The following TCF7 variants were observed in gnomAD, a reference collection of about 807,000 sequenced individuals.
The protein encoded by TCF7 is transcription factor 7, also known as T-cell-factor-7.
A neutral mutation model predicts 46.8 loss-of-function variants in TCF7; 19 were observed. The ratio of observed to expected loss-of-function variants is 0.41; its 90% CI spans 0.28 to 0.60. The LOEUF is 0.60. Among genes scored for constraint, TCF7 ranks in the 20% least tolerant of loss-of-function variants. The pLI is 0.35. For missense variants in TCF7, 547 were observed against 504.6 expected (o/e 1.08, Z -0.81); for synonymous variants, 245 against 213.4 (o/e 1.15, Z -1.29).
chr5:134,138,562 G>A, intron 4 of TCF7: 1 of 281,046 alleles, frequency 3.6e-6, no homozygotes, highest in South Asian at 7.6e-5. Flanking sequence ...TGGGAAACCT[G>A]CTGACTCAAC....
rs544009350 is a variant in TCF7, at chr5:134,146,367, C to T, written c.*64C>T. On this transcript the variant is annotated 3_prime_UTR_variant, in exon 10 of 10. Transcript: ENST00000342854. ...TACCATCTGCTGCCCCGCTTCCCCACAGAACTGCTTACTAGCCCTGCGGAG... is the reference window on the plus strand; with the variant it reads ...TACCATCTGCTGCCCCGCTTCCCCATAGAACTGCTTACTAGCCCTGCGGAG... 8.2e-6 allele frequency: 13 copies of T among 1,587,876 alleles called. 2 individuals carry two copies. The Middle Eastern group carries it at 1.3e-3, about 163-fold the overall frequency.
At chr5:134,128,701 G>T (rs1227797098) in intron 3 of TCF7, among the ~76,000 whole-genome samples, 1 of 151,820 alleles carries the variant, frequency 6.6e-6, no homozygotes, top group African/African-American at 2.4e-5. Flanking sequence ...TTGAGCCCCT[G>T]CCTTTCTGGG....
At chr5:134,136,987 T>G (rs566944806) in intron 3 of TCF7, among the ~76,000 whole-genome samples, 1 of 152,358 alleles carries the variant, frequency 6.6e-6, no homozygotes, top group Admixed American at 6.5e-5. Context: ...TCCAGGGCCC[T>G]GACCCGTGCA....
At chr5:134,140,230 C>T (rs1023449544) in intron 5 of TCF7, among the ~76,000 whole-genome samples, 6 of 152,230 alleles carry the variant, frequency 3.9e-5, no homozygotes, top group African/African-American at 1.2e-4. Context: ...GAAGTCGGCA[C>T]TGCTGAAGCC....
intron 3 of TCF7, among the ~76,000 whole-genome samples, chr5:134,117,881 A>G (rs1482537749): frequency 3.9e-5 from 6 of 152,164 alleles, no homozygotes; most frequent in Non-Finnish European, 7.4e-5. Context: ...AGGAGGAGGA[A>G]AAGGACGGGC....
chr5:134,123,836 C>T (rs1756950475), intron 3 of TCF7: 1 of 456,176 alleles, frequency 2.2e-6, no homozygotes. Flanking sequence ...GCTGCTGGGG[C>T]AGGGTGGATG....
At chr5:134,143,458 A>G (rs1760187616) in intron 8 of TCF7, 134 bp from the exon 9 acceptor site, 1 of 1,060,040 alleles carries the variant, frequency 9.4e-7, no homozygotes, top group Non-Finnish European at 1.5e-6. Context: ...CCAGCAATCA[A>G]GAAACACCAG....
chr5:134,136,473 A>G (rs779479225), intron 3 of TCF7, among the ~76,000 whole-genome samples: 27 of 152,038 alleles, frequency 1.8e-4, no homozygotes, highest in Non-Finnish European at 3.4e-4. Context: ...ACCTTCCCCA[A>G]GACCTGAGGG....
At chr5:134,145,790 GTCCATGTCTTCTTCCTCTAGCCC>G in intron 9 of TCF7, 1 of 1,613,928 alleles carries the variant, frequency 6.2e-7, no homozygotes. Flanking sequence ...AAGAGTCACT[GTCCATGTCTTCTTCCTCTAGCCC>G]AGCTTGAGGA....
At chr5:134,130,154 C>T (rs946265439) in intron 3 of TCF7, among the ~76,000 whole-genome samples, 2 of 152,218 alleles carry the variant, frequency 1.3e-5, no homozygotes, top group Non-Finnish European at 1.5e-5. Flanking sequence ...GCCTGGCTGG[C>T]GCACTCAGCC....
intron 9 of TCF7, chr5:134,144,762 G>A: frequency 6.3e-7 from 1 of 1,585,924 alleles, no homozygotes; most frequent in Non-Finnish European, 8.7e-7. Context: ...CTCGCCCTCT[G>A]CCCTGCTCTA....
At chr5:134,145,789 T>C (rs1467755689) in intron 9 of TCF7, 4 of 1,613,956 alleles carry the variant, frequency 2.5e-6, no homozygotes, top group Non-Finnish European at 2.5e-6. Context: ...CAAGAGTCAC[T>C]GTCCATGTCT....
chr5:134,115,112 C>T lies in TCF7; in HGVS notation c.206C>T (p.Pro69Leu), dbSNP rs1755615069. 9.8e-7 allele frequency: 1 copy of T among 1,023,244 alleles called. No individual in the cohort carries two copies. Among genetic ancestry groups the T allele is most frequent in the Admixed American group, 5.9e-5 (1 of 16,906 alleles). 63.4% of individuals were successfully genotyped at this position (1,023,244 alleles called of 1,614,324 possible). A position where few individuals can be genotyped will look rare whatever the true frequency, so the allele number is the denominator to read the frequency against. ...SEGAAGGAGI[P>L]GVPGAGAGAR... ...GGCGCGGCCGGCGGCGCAGGGATCC[C>T]GGGGGTCCCGGGGGCCGGCGCCGGG... The change falls in exon 1 of 10, where the codon CCG becomes CTG. Residue 69 changes from proline (P) to leucine (L), a missense_variant. By Grantham distance (98) the Pro-to-Leu change is moderately conservative. Coordinates refer to ENST00000342854, the MANE Select transcript of TCF7 (RefSeq NM_003202.5).
Position 134,146,513 on chromosome 5 carries a change from GTGGCCTAGCAGGCACAGGACACC to G in TCF7, c.*216_*238del. 1.4e-6 allele frequency: 1 copy of G among 734,856 alleles called. No homozygotes were observed. Among genetic ancestry groups the G allele is most frequent in the Non-Finnish European group, 2.5e-6 (1 of 399,760 alleles). The allele number at this position is 734,856 out of a possible 1,614,324, so 45.5% of individuals were successfully genotyped here. On this transcript the variant is annotated 3_prime_UTR_variant, in exon 10 of 10. Transcript: ENST00000342854. ...ACAGCAACAGGAATCTCAGAGACAG[GTGGCCTAGCAGGCACAGGACACC>G]TGGCCGCCTCCAGGAGCCTACCCCC...
In TCF7 at chr5:134,115,896, G is replaced by A. The variant is rs200356215; in HGVS notation, c.317-13G>A. ...CAGGGCTGGTGTGTCTGACCCAGCTGTGGTTTTTCCAGGCCTGAAGGCCCC... is the reference window on the plus strand; with the variant it reads ...CAGGGCTGGTGTGTCTGACCCAGCTATGGTTTTTCCAGGCCTGAAGGCCCC... On this transcript the variant is annotated splice_polypyrimidine_tract_variant and intron_variant, in intron 2 of 9. Transcript: ENST00000342854. 3.0e-5 allele frequency: 48 copies of A among 1,613,788 alleles called. No individual in the cohort carries two copies. Among genetic ancestry groups the A allele is most frequent in the Non-Finnish European group, 5.1e-6 (6 of 1,180,012 alleles).
At chr5:134,134,911 G>A (rs1432336446) in intron 3 of TCF7, among the ~76,000 whole-genome samples, 1 of 152,206 alleles carries the variant, frequency 6.6e-6, no homozygotes, top group Non-Finnish European at 1.5e-5. Context: ...AAGGAAGAGA[G>A]TAGAAGGTGC....
chr5:134,115,060 A>C lies in TCF7; in HGVS notation c.154A>C (p.Lys52Gln). 2 of 1,208,482 alleles carry C rather than the reference A, an allele frequency of 1.7e-6. No homozygotes were observed. The highest frequency in any genetic ancestry group is 2.1e-6 in the Non-Finnish European group (2 of 948,208). 74.9% of individuals were successfully genotyped at this position (1,208,482 alleles called of 1,614,324 possible). Residue 52 changes from lysine (K) to glutamine (Q), a missense_variant, in exon 1 of 10, where the codon AAG becomes CAG. Physicochemically the swap from Lys to Gln is moderately conservative, Grantham distance 53. Around this residue, in one of 3 missense-constraint regions of TCF7, gnomAD observed 425 missense variants for 349.9 expected, o/e 1.21. Coordinates refer to ENST00000342854, the MANE Select transcript of TCF7 (RefSeq NM_003202.5). ...AGPERDLAEL[K>Q]SSLVNESEGA... ...TCCCGAGCGCGACCTGGCCGAGCTCAAGTCGTCGCTCGTGAACGAGTCCGA... is the reference window on the plus strand; with the variant it reads ...TCCCGAGCGCGACCTGGCCGAGCTCCAGTCGTCGCTCGTGAACGAGTCCGA...
chr5:134,136,173 A>C (rs1758837104), intron 3 of TCF7, among the ~76,000 whole-genome samples: 1 of 152,142 alleles, frequency 6.6e-6, no homozygotes, highest in South Asian at 2.1e-4. Flanking sequence ...GGGAGGATTT[A>C]GAGATGGGAG....
In TCF7 at chr5:134,146,072, A is replaced by C. The variant is rs1221783679; in HGVS notation, c.1076-152A>C. 3 of 1,580,470 alleles carry C rather than the reference A, an allele frequency of 1.9e-6. No homozygotes were observed. The East Asian group carries it at 6.7e-5, about 35-fold the overall frequency. On this transcript the variant is annotated intron_variant, in intron 9 of 9. Transcript: ENST00000342854. ...CTAGGTCTGGGCCAGACCAAGCAGA[A>C]TGGCAGTCTGAGGACACTGACTTAC...
Sources: allele counts gnomAD v4.1 joint callset (sites outside exome capture counted in the v4.1 genomes callset), GRCh38; gene constraint gnomAD v4.1.1; regional missense constraint gnomAD v4.1.1; transcripts MANE v1.5; gene names NCBI Gene and HGNC (gene_info 2026-07-23, HGNC 2026-07-21).